KANK1: variants seen among roughly 807,000 people sequenced by gnomAD.
KANK1 encodes the protein KN motif and ankyrin repeat domains 1, also known as KN motif and ankyrin repeat domain-containing protein 1.
In KANK1, 109 loss-of-function variants were observed where a neutral mutation model predicts 106.2. That is an observed-to-expected ratio of 1.03 (90% CI 0.88 to 1.20). The LOEUF (loss-of-function observed/expected upper bound fraction) is 1.20. KANK1 is among the 50% of genes most tolerant of loss of function. KANK1 has a pLI of 0.00. For missense variants in KANK1, 2,399 were observed against 1,710.7 expected, an observed-to-expected ratio of 1.40 and a Z score of -7.10; for synonymous variants, 873 against 652.2, an observed-to-expected ratio of 1.34 and a Z score of -5.16.
At chr9:690,367 G>A (rs1214190756) in intron 2 of KANK1, among the ~76,000 whole-genome samples, 1 of 150,832 alleles carries the variant, frequency 6.6e-6, no homozygotes, top group Non-Finnish European at 1.5e-5. Flanking sequence ...TGGCTTTTCA[G>A]TACCAAAATA....
intron 3 of KANK1, among the ~76,000 whole-genome samples, chr9:491,893 A>G (rs2132312762): frequency 6.6e-6 from 1 of 152,330 alleles, no homozygotes; most frequent in Non-Finnish European, 1.5e-5. Flanking sequence ...GTTTCCCTAC[A>G]CAAGCCCTCT....
intron 1 of KANK1, among the ~76,000 whole-genome samples, chr9:642,612 C>G (rs1417632326): frequency 6.6e-6 from 1 of 150,782 alleles, no homozygotes; most frequent in Non-Finnish European, 1.5e-5. Context: ...TATGAATTAC[C>G]AGCTGATAAA....
At chr9:612,021 C>G (rs746036727) in intron 1 of KANK1, among the ~76,000 whole-genome samples, 2 of 152,150 alleles carry the variant, frequency 1.3e-5, no homozygotes, top group Non-Finnish European at 2.9e-5. Flanking sequence ...CCCGGCCGAC[C>G]ATCTAACTCT....
intron 1 of KANK1, among the ~76,000 whole-genome samples, chr9:653,125 C>G (rs1390456593): frequency 6.6e-6 from 1 of 152,134 alleles, no homozygotes; most frequent in African/African-American, 2.4e-5. Flanking sequence ...CTTGTGTTCC[C>G]TTTGGGCCCA....
chr9:531,513 A>T (rs949808082), intron 1 of KANK1, among the ~76,000 whole-genome samples: 1 of 152,208 alleles, frequency 6.6e-6, no homozygotes, highest in African/African-American at 2.4e-5. Flanking sequence ...GGAAGAGAAA[A>T]AGCAATTAAA....
chr9:685,262 G>A (rs1297038635), intron 2 of KANK1, among the ~76,000 whole-genome samples: 1 of 152,158 alleles, frequency 6.6e-6, no homozygotes, highest in Admixed American at 6.5e-5. Flanking sequence ...AGTTCTATAC[G>A]ATGAGTTATC....
chr9:681,688 T>C (rs16922505), intron 2 of KANK1, among the ~76,000 whole-genome samples: 4,842 of 152,272 alleles, frequency 0.032, 242 homozygotes, highest in East Asian at 0.23. Context: ...GTCCTTGTCA[T>C]GAGCCGCTGA....
At chr9:604,334 G>T (rs903905151) in intron 1 of KANK1, among the ~76,000 whole-genome samples, 1 of 151,704 alleles carries the variant, frequency 6.6e-6, no homozygotes, top group South Asian at 2.1e-4. Flanking sequence ...ATCCCCACGT[G>T]TTGAGGGAGG....
At chr9:605,440 G>A (rs1377077590) in intron 1 of KANK1, among the ~76,000 whole-genome samples, 1 of 151,798 alleles carries the variant, frequency 6.6e-6, no homozygotes, top group African/African-American at 2.4e-5. Flanking sequence ...GCATCAGGAA[G>A]GGCTTCCTGG....
chr9:599,020 ATT>A (rs71314718), intron 1 of KANK1, among the ~76,000 whole-genome samples: 53 of 130,172 alleles, frequency 4.1e-4, no homozygotes, highest in Non-Finnish European at 6.2e-4. Context: ...TATTATTATT[ATT>A]TTTTTTTTTT....
At chr9:515,368 G>A (rs1274449718) in intron 1 of KANK1, among the ~76,000 whole-genome samples, 10 of 150,082 alleles carry the variant, frequency 6.7e-5, no homozygotes, top group Non-Finnish European at 1.5e-4. Flanking sequence ...AGAAAAAAAA[G>A]CCAGTTAAAG....
intron 1 of KANK1, among the ~76,000 whole-genome samples, chr9:601,051 C>A (rs1827621673): frequency 6.6e-6 from 1 of 151,608 alleles, no homozygotes; most frequent in African/African-American, 2.4e-5. Context: ...AAAAGAAAGC[C>A]AGATGGAAGT....
chr9:510,527 C>G (rs182741059), intron 1 of KANK1, among the ~76,000 whole-genome samples: 8 of 152,288 alleles, frequency 5.3e-5, no homozygotes, highest in Admixed American at 5.2e-4. Flanking sequence ...TTGAGCTCAG[C>G]TTTAAGGAGT....
chr9:557,545 G>A (rs1353477310), intron 1 of KANK1, among the ~76,000 whole-genome samples: 8 of 152,304 alleles, frequency 5.3e-5, no homozygotes, highest in South Asian at 2.1e-4. Flanking sequence ...TTTAAGGCAG[G>A]GAATTCTTGG....
At chr9:657,551 G>T (rs552045823) in intron 1 of KANK1, among the ~76,000 whole-genome samples, 3 of 151,704 alleles carry the variant, frequency 2.0e-5, no homozygotes, top group Non-Finnish European at 4.4e-5. Context: ...TTGTTTTTTT[G>T]TTGTTGTTTG....
chr9:741,645 G>A lies in KANK1; in HGVS notation c.3697-560G>A, dbSNP rs190855287. Among the ~76,000 whole-genome samples the A allele has an allele frequency of 5.5e-3, 835 of 151,544 alleles. 5 individuals are homozygous for A. The highest frequency in any genetic ancestry group is 8.3e-3 in the Non-Finnish European group (564 of 67,870). On this transcript the variant is annotated intron_variant, in intron 9 of 11. Coordinates refer to ENST00000382297, the MANE Select transcript of KANK1 (RefSeq NM_015158.5). ...TGGGACTACAGGCGCCCACCCCCACGTCCGGCTTATTTTTTGTATTTTTAG... is the reference window on the plus strand; with the variant it reads ...TGGGACTACAGGCGCCCACCCCCACATCCGGCTTATTTTTTGTATTTTTAG...
At chr9:707,245 G>A (rs1824554499) in intron 2 of KANK1, 3 of 986,188 alleles carry the variant, frequency 3.0e-6, no homozygotes, top group East Asian at 1.1e-4. Context: ...CGGGCGCCAC[G>A]TGGTAGGTGA....
At chr9:490,923 G>A (rs2058367960) in intron 3 of KANK1, among the ~76,000 whole-genome samples, 1 of 146,404 alleles carries the variant, frequency 6.8e-6, no homozygotes, top group African/African-American at 2.5e-5. Context: ...AAGATGAGGA[G>A]AACAAAGATG....
intron 1 of KANK1, among the ~76,000 whole-genome samples, chr9:663,056 A>G (rs1013564838): frequency 4.7e-4 from 71 of 152,228 alleles, no homozygotes; most frequent in African/African-American, 1.7e-3. Flanking sequence ...TCCCAGGCAC[A>G]CACGAGCTTG....
Sources: allele counts gnomAD v4.1 joint callset (sites outside exome capture counted in the v4.1 genomes callset), GRCh38; gene constraint gnomAD v4.1.1; transcripts MANE v1.5; gene names NCBI Gene and HGNC (gene_info 2026-07-23, HGNC 2026-07-21).